The following ASB18 variants were observed in gnomAD, a reference collection of about 807,000 sequenced individuals.
ASB18 encodes ankyrin repeat and SOCS box protein 18.
In ASB18, 33 loss-of-function variants were observed where a neutral mutation model predicts 33.4. The observed-to-expected ratio is 0.99, with a 90% CI of 0.75 to 1.32. The LOEUF (loss-of-function observed/expected upper bound fraction) is 1.32, where lower values mean the gene tolerates loss of function less well. ASB18 is among the 40% of genes most tolerant of loss of function. ASB18 has a pLI of 0.00. For missense variants in ASB18, 694 were observed against 655.5 expected (o/e 1.06, Z -0.64); for synonymous variants, 295 against 307.6 (o/e 0.96, Z 0.43).
At position 236,200,036 on chromosome 2, in the gene ASB18, G is replaced by C. The variant is rs1396229578; in HGVS notation, c.1102-3651C>G. On this transcript the variant is annotated intron_variant, in intron 4 of 5. Coordinates refer to ENST00000409749, the MANE Select transcript of ASB18 (RefSeq NM_212556.4). The surrounding 1 kb of genome is among the most constrained non-coding windows in gnomAD (Gnocchi z 4.2). ...GAAATTTAGCATTGCATAGATAACA[G>C]TCAAGGTCCATTAGAAAAGAGATGG... is the stretch of plus-strand genomic sequence containing the variant. 6.6e-6 allele frequency among the ~76,000 whole-genome samples: 1 copy of C among 152,140 alleles called. No individual in the cohort carries two copies. Among genetic ancestry groups the C allele is most frequent in the Non-Finnish European group, 1.5e-5 (1 of 68,036 alleles).
Position 236,226,604 on chromosome 2 carries a change from A to G in ASB18, c.596+11085T>C, listed in dbSNP as rs569502690. On this transcript the variant is annotated intron_variant, in intron 3 of 5. Coordinates refer to ENST00000409749, the MANE Select transcript of ASB18 (RefSeq NM_212556.4). This position sits in a 1 kb window ranked among gnomAD's most constrained non-coding sequence, Gnocchi z 4.8. ...ATTCTATTGTTCAGTGTGTAAGCTG[A>G]GTAGCTCTGGTGGTCTGCATATGGC... Among the ~76,000 whole-genome samples the G allele has an allele frequency of 9.8e-5, 15 of 152,306 alleles. No homozygotes were observed. Among genetic ancestry groups the G allele is most frequent in the African/African-American group, 3.6e-4 (15 of 41,560 alleles).
At position 236,241,977 on chromosome 2, in the gene ASB18, C is replaced by G. The variant is rs954509969; in HGVS notation, c.206-575G>C. On this transcript the variant is annotated intron_variant, in intron 1 of 5. Coordinates refer to ENST00000409749, the MANE Select transcript of ASB18 (RefSeq NM_212556.4). This position sits in a 1 kb window ranked among gnomAD's most constrained non-coding sequence, Gnocchi z 4.2. ...ATACTTAGCAAATAAGTAATATCCT[C>G]TCAGATTTTTTTTTAAAGTACTATA... is the stretch of plus-strand genomic sequence containing the variant. Among the ~76,000 whole-genome samples, 1 of 152,106 alleles carries G rather than the reference C, an allele frequency of 6.6e-6. No homozygotes were observed. Among genetic ancestry groups the G allele is most frequent in the Non-Finnish European group, 1.5e-5 (1 of 68,024 alleles).
At chr2:236,198,327 T>C (rs1432161391) in intron 4 of ASB18, among the ~76,000 whole-genome samples, 2 of 152,236 alleles carry the variant, frequency 1.3e-5, no homozygotes, top group African/African-American at 4.8e-5. Flanking sequence ...TCTGATTTTT[T>C]TCCATGCAGA....
chr2:236,196,138 CA>C lies in ASB18; in HGVS notation c.1215+133del, dbSNP rs2060371402. The C allele has an allele frequency of 1.4e-6, 1 of 703,978 alleles. No homozygotes were observed. Among genetic ancestry groups the C allele is most frequent in the Non-Finnish European group, 2.6e-6 (1 of 377,892 alleles). 43.6% of individuals were successfully genotyped at this position (703,978 alleles called of 1,614,324 possible). On this transcript the variant is annotated intron_variant, in intron 5 of 5. Coordinates refer to ENST00000409749, the MANE Select transcript of ASB18 (RefSeq NM_212556.4). This position sits in a 1 kb window ranked among gnomAD's most constrained non-coding sequence, Gnocchi z 5.6. Reference sequence around the variant, plus strand: ...AGAAAAAACCAGAAACGTGCAAATACACCCTCATTTCCCATTCTTCCTTTTT... The same window carrying C: ...AGAAAAAACCAGAAACGTGCAAATACCCCTCATTTCCCATTCTTCCTTTTT...
Position 236,262,751 on chromosome 2 carries a change from G to A in ASB18, c.205+1390C>T, listed in dbSNP as rs1012301108. ...TGGAAGGTACCAAGTTTGGGATCAT[G>A]GCTCCTGGGCCTATGGACCCCCGCC... On this transcript the variant is annotated intron_variant, in intron 1 of 5. Transcript: ENST00000409749. This position sits in a 1 kb window ranked among gnomAD's most constrained non-coding sequence, Gnocchi z 5.2. Among the ~76,000 whole-genome samples, 1 of 152,148 alleles carries A rather than the reference G, an allele frequency of 6.6e-6. No homozygotes were observed. The highest frequency in any genetic ancestry group is 1.5e-5 in the Non-Finnish European group (1 of 68,034).
In ASB18 at chr2:236,224,193, T is replaced by C. The variant is rs1380088843; in HGVS notation, c.597-9327A>G. 2.7e-5 allele frequency among the ~76,000 whole-genome samples: 4 copies of C among 147,184 alleles called. No individual in the cohort carries two copies. The East Asian group carries it at 7.8e-4, about 29-fold the overall frequency. ...ACATTTGGTGTTGTCAGGTTTTTTTTTTTTTTTTTTTTTTTTTTTTTAGCC... is the reference window on the plus strand; with the variant it reads ...ACATTTGGTGTTGTCAGGTTTTTTTCTTTTTTTTTTTTTTTTTTTTTAGCC... On this transcript the variant is annotated intron_variant, in intron 3 of 5. Transcript: ENST00000409749.
Position 236,208,811 on chromosome 2 carries a change from G to A in ASB18, c.1101+5551C>T, listed in dbSNP as rs150138827. On this transcript the variant is annotated intron_variant, in intron 4 of 5. Coordinates refer to ENST00000409749, the MANE Select transcript of ASB18 (RefSeq NM_212556.4). The surrounding 1 kb of genome is among the most constrained non-coding windows in gnomAD (Gnocchi z 7.7). ...ACGCCAACACAGTTTAAAAATCTCC[G>A]CGGCCTCCTTGCTGTCTGCGGAGAG... is the stretch of plus-strand genomic sequence containing the variant. Among the ~76,000 whole-genome samples, 13 of 152,216 alleles carry A rather than the reference G, an allele frequency of 8.5e-5. No homozygotes were observed. In the East Asian group the frequency reaches 2.5e-3, roughly 29 times the overall value.
At position 236,219,814 on chromosome 2, in the gene ASB18, G is replaced by C. The variant is rs914649406; in HGVS notation, c.597-4948C>G. Among the ~76,000 whole-genome samples the C allele has an allele frequency of 1.3e-5, 2 of 152,158 alleles. No homozygotes were observed. The highest frequency in any genetic ancestry group is 6.5e-5 in the Admixed American group (1 of 15,278). On this transcript the variant is annotated intron_variant, in intron 3 of 5. Coordinates refer to ENST00000409749, the MANE Select transcript of ASB18 (RefSeq NM_212556.4). This position sits in a 1 kb window ranked among gnomAD's most constrained non-coding sequence, Gnocchi z 6.4. ...AGATTTTGTGAGTGGGTTTCCTGCT[G>C]TCCTGATAGAAAGGCAAAAGTCAGA...
chr2:236,198,646 G>A (rs935407564), intron 4 of ASB18, among the ~76,000 whole-genome samples: 4 of 152,154 alleles, frequency 2.6e-5, no homozygotes, highest in Non-Finnish European at 5.9e-5. Context: ...GATTACAGGC[G>A]TGAGCCACTG....
In ASB18 at chr2:236,211,949, G is replaced by A. The variant is rs899054535; in HGVS notation, c.1101+2413C>T. Among the ~76,000 whole-genome samples the A allele has an allele frequency of 5.9e-5, 9 of 152,192 alleles. No individual in the cohort carries two copies. Among genetic ancestry groups the A allele is most frequent in the Non-Finnish European group, 1.3e-4 (9 of 68,040 alleles). ...TTTCCAAAGATTTAATGCAGGCCAT[G>A]AGCCTGCAGTGGCTGGAATCCCTTT... is the stretch of plus-strand genomic sequence containing the variant. On this transcript the variant is annotated intron_variant, in intron 4 of 5. Transcript: ENST00000409749. This position sits in a 1 kb window ranked among gnomAD's most constrained non-coding sequence, Gnocchi z 5.0.
Position 236,196,523 on chromosome 2 carries a change from A to C in ASB18, c.1102-138T>G. 1 of 629,976 alleles carries C rather than the reference A, an allele frequency of 1.6e-6. No homozygotes were observed. 39.0% of individuals were successfully genotyped at this position (629,976 alleles called of 1,614,324 possible). A position where few individuals can be genotyped will look rare whatever the true frequency, so the allele number is the denominator to read the frequency against. The stretch of plus-strand genomic sequence containing the variant: ...CCCAAGCCACACAGGGAACAGCAAC[A>C]GAGCAGTACCACAGGGTTGCTGCAG... On this transcript the variant is annotated intron_variant, in intron 4 of 5. Coordinates refer to ENST00000409749, the MANE Select transcript of ASB18 (RefSeq NM_212556.4). The surrounding 1 kb of genome is among the most constrained non-coding windows in gnomAD (Gnocchi z 5.6).
rs149889496 is a variant in ASB18, at chr2:236,238,610, G to GGTGTGT, written c.329-660_329-655dup. Among the ~76,000 whole-genome samples, 512 of 150,318 alleles carry GGTGTGT rather than the reference G, an allele frequency of 3.4e-3. 2 individuals carry two copies. The highest frequency in any genetic ancestry group is 0.011 in the African/African-American group (444 of 40,886). ...GGTTTGTTTCTTTGCGCTTTTTAGGGGTGTGTGTGTGTGTGTGTGTAGGGT... is the reference window on the plus strand; with the variant it reads ...GGTTTGTTTCTTTGCGCTTTTTAGGGGTGTGTGTGTGTGTGTGTGTGTGTGTAGGGT... On this transcript the variant is annotated intron_variant, in intron 2 of 5. Transcript: ENST00000409749. This position sits in a 1 kb window ranked among gnomAD's most constrained non-coding sequence, Gnocchi z 5.2.
At position 236,237,416 on chromosome 2, in the gene ASB18, G is replaced by A. The variant is rs1199455136; in HGVS notation, c.596+273C>T. Among the ~76,000 whole-genome samples, 1 of 108,464 alleles carries A rather than the reference G, an allele frequency of 9.2e-6. No homozygotes were observed. The highest frequency in any genetic ancestry group is 1.7e-5 in the Non-Finnish European group (1 of 57,688). The allele number at this position is 108,464 out of a possible 152,430, so 71.2% of individuals were successfully genotyped here. A position where few individuals can be genotyped will look rare whatever the true frequency, so the allele number is the denominator to read the frequency against. ...GCCGGGGCCGGGGCGCGGGGCGGGG[G>A]CCGGGGCCGGGGCGCGGGGCGAGGG... On this transcript the variant is annotated intron_variant, in intron 3 of 5. Coordinates refer to ENST00000409749, the MANE Select transcript of ASB18 (RefSeq NM_212556.4). The surrounding 1 kb of genome is among the most constrained non-coding windows in gnomAD (Gnocchi z 6.2).
Position 236,211,634 on chromosome 2 carries a change from C to G in ASB18, c.1101+2728G>C, listed in dbSNP as rs1247470752. ...CGCCCGTGTGGTGCCTGCCCAGCAT[C>G]TTTGTGGCTGGCTGCAGCGTCTGTT... On this transcript the variant is annotated intron_variant, in intron 4 of 5. Transcript: ENST00000409749. The surrounding 1 kb of genome is among the most constrained non-coding windows in gnomAD (Gnocchi z 5.0). 6.6e-6 allele frequency among the ~76,000 whole-genome samples: 1 copy of G among 152,236 alleles called. No individual in the cohort carries two copies. The highest frequency in any genetic ancestry group is 2.4e-5 in the African/African-American group (1 of 41,466).
Position 236,260,510 on chromosome 2 carries a change from T to C in ASB18, c.205+3631A>G, listed in dbSNP as rs1192821657. Among the ~76,000 whole-genome samples, 1 of 152,186 alleles carries C rather than the reference T, an allele frequency of 6.6e-6. No homozygotes were observed. The highest frequency in any genetic ancestry group is 1.9e-4 in the East Asian group (1 of 5,200). On this transcript the variant is annotated intron_variant, in intron 1 of 5. Transcript: ENST00000409749. This position sits in a 1 kb window ranked among gnomAD's most constrained non-coding sequence, Gnocchi z 5.1. The stretch of plus-strand genomic sequence containing the variant: ...AGAATCCAAACAGCTCTTTCTCCCA[T>C]CAAGGATGGTCCCCCCAAACTCGCC...
chr2:236,207,788 G>A (rs1254554585), intron 4 of ASB18, among the ~76,000 whole-genome samples: 2 of 151,442 alleles, frequency 1.3e-5, no homozygotes, highest in Non-Finnish European at 2.9e-5. Flanking sequence ...CTTTACTGTG[G>A]CTTCACAGGC....
At chr2:236,242,630 T>A (rs1374423316) in intron 1 of ASB18, among the ~76,000 whole-genome samples, 1 of 152,158 alleles carries the variant, frequency 6.6e-6, no homozygotes, top group Non-Finnish European at 1.5e-5. Flanking sequence ...TGCTAATTTT[T>A]TTTTAAATTA....
rs1313391617 is a variant in ASB18, at chr2:236,203,681, C to A, written c.1102-7296G>T. 6.6e-6 allele frequency among the ~76,000 whole-genome samples: 1 copy of A among 152,068 alleles called. No individual in the cohort carries two copies. The highest frequency in any genetic ancestry group is 1.9e-4 in the East Asian group (1 of 5,180). ...AGGAGTTTGAGACTAGCCTGGGCAA[C>A]ATGGAGAAACCCTGTTTCTACAAAA... is the stretch of plus-strand genomic sequence containing the variant. On this transcript the variant is annotated intron_variant, in intron 4 of 5. Coordinates refer to ENST00000409749, the MANE Select transcript of ASB18 (RefSeq NM_212556.4). The surrounding 1 kb of genome is among the most constrained non-coding windows in gnomAD (Gnocchi z 6.0).
intron 3 of ASB18, among the ~76,000 whole-genome samples, chr2:236,236,705 G>C (rs73128925): frequency 9.2e-5 from 14 of 152,168 alleles, no homozygotes; most frequent in African/African-American, 3.1e-4. Context: ...CCGCCTGCCT[G>C]CGTTGCTGCC....
Sources: allele counts gnomAD v4.1 joint callset (sites outside exome capture counted in the v4.1 genomes callset), GRCh38; gene constraint gnomAD v4.1.1; non-coding constraint Gnocchi (gnomAD v3.1); transcripts MANE v1.5; gene names NCBI Gene and HGNC (gene_info 2026-07-23, HGNC 2026-07-21).